The following TEX11 variants were observed in gnomAD, a reference collection of about 807,000 sequenced individuals.
TEX11 encodes testis expressed 11, also known as testis-expressed protein 11.
TEX11 carries 7 observed loss-of-function variants against 84.4 expected under a neutral mutation model. That is an observed-to-expected ratio of 0.08 (90% CI 0.05 to 0.16). The LOEUF (loss-of-function observed/expected upper bound fraction) is 0.16. Ranked by LOEUF, TEX11 falls within the 10% of genes least tolerant of loss-of-function variation. TEX11 has a pLI of 1.00. For synonymous variants in TEX11, 264 were observed against 222.8 expected, an observed-to-expected ratio of 1.18 and a Z score of -1.64; for missense variants, 551 against 660.5, an observed-to-expected ratio of 0.83 and a Z score of 1.82.
intron 2 of TEX11, among the ~76,000 whole-genome samples, chrX:70,903,395 G>A (rs1602226038): frequency 9.0e-6 from 1 of 110,815 alleles, no homozygotes; most frequent in African/African-American, 3.3e-5. Context: ...CATGAATAAA[G>A]CATTGCTCTA....
intron 5 of TEX11, among the ~76,000 whole-genome samples, chrX:70,860,466 G>C (rs1326533510): frequency 9.0e-6 from 1 of 111,633 alleles, no homozygotes; most frequent in Non-Finnish European, 1.9e-5. Flanking sequence ...CCTAGGTCTT[G>C]AGACTTCAAA....
At chrX:70,807,856 C>T (rs780612905) in intron 8 of TEX11, among the ~76,000 whole-genome samples, 12 of 110,278 alleles carry the variant, frequency 1.1e-4, no homozygotes, top group African/African-American at 4.0e-4. Flanking sequence ...GTAATCCGAG[C>T]GCTTTGAGAG....
At chrX:70,729,410 A>G (rs2090626402) in intron 11 of TEX11, among the ~76,000 whole-genome samples, 1 of 111,329 alleles carries the variant, frequency 9.0e-6, no homozygotes, top group Non-Finnish European at 1.9e-5. Flanking sequence ...AAAAACCTTG[A>G]AAAAAAATTA....
intron 15 of TEX11, among the ~76,000 whole-genome samples, chrX:70,671,003 A>G (rs1435681353): frequency 9.0e-6 from 1 of 111,588 alleles, no homozygotes. Flanking sequence ...ATATTAATCT[A>G]TGTTGCTATG....
rs186046937 is a variant in TEX11, at chrX:70,626,298, G to C, written c.1609-1374C>G. 2.7e-5 allele frequency among the ~76,000 whole-genome samples: 3 copies of C among 110,789 alleles called. No homozygotes were observed. In the East Asian group the frequency reaches 8.5e-4, roughly 31 times the overall value. ...GCTCTCAGTGTTGTACAAGTACCAA[G>C]CCTTTACTTGTACCACCCAGAGAAT... On this transcript the variant is annotated intron_variant, in intron 18 of 29. Coordinates refer to ENST00000374333, the MANE Select transcript of TEX11 (RefSeq NM_031276.3).
chrX:70,807,687 T>G (rs1357890974), intron 8 of TEX11, among the ~76,000 whole-genome samples: 2 of 111,730 alleles, frequency 1.8e-5, no homozygotes, highest in Non-Finnish European at 3.8e-5. Context: ...AAGTTATTCA[T>G]AAGTAATGTA....
downstream of TEX11, among the ~76,000 whole-genome samples, chrX:70,526,620 T>C (rs2087826118): frequency 9.1e-6 from 1 of 109,952 alleles, no homozygotes; most frequent in Non-Finnish European, 1.9e-5. Context: ...TATGAACTCA[T>C]GATTTTCTAT....
chrX:70,583,779 T>C (rs1054795660), intron 25 of TEX11, among the ~76,000 whole-genome samples: 2 of 111,620 alleles, frequency 1.8e-5, no homozygotes, highest in African/African-American at 6.5e-5. Context: ...TGCTTTACAC[T>C]GCTGGTGGGA....
At chrX:70,833,309 GAAAA>G (rs1217068977) in intron 8 of TEX11, among the ~76,000 whole-genome samples, 200 bp downstream of exon 8, 1 of 106,753 alleles carries the variant, frequency 9.4e-6, no homozygotes, top group African/African-American at 3.4e-5. Context: ...GAAAAGAAAA[GAAAA>G]AAAAGAAATA....
At chrX:70,573,218 C>A (rs1450483900) in intron 25 of TEX11, among the ~76,000 whole-genome samples, 3 of 111,053 alleles carry the variant, frequency 2.7e-5, no homozygotes, top group African/African-American at 9.8e-5. Context: ...TCAGTGACTC[C>A]ATAGCCCTGT....
In TEX11 at chrX:70,887,598, C is replaced by T. The variant is rs371827978; in HGVS notation, c.38-7489G>A. The stretch of plus-strand genomic sequence containing the variant: ...ATGTCTAAGGTTTCCATCTCCAGGT[C>T]CCGGCTCCCAGACAGCATCTCTGGA... On this transcript the variant is annotated intron_variant, in intron 2 of 29. Coordinates refer to ENST00000374333, the MANE Select transcript of TEX11 (RefSeq NM_031276.3). Among the ~76,000 whole-genome samples the T allele has an allele frequency of 6.2e-5, 7 of 112,288 alleles. No individual in the cohort carries two copies. The East Asian group carries it at 2.0e-3, about 32-fold the overall frequency.
At chrX:70,812,397 C>T (rs1006069874) in intron 8 of TEX11, among the ~76,000 whole-genome samples, 2 of 110,300 alleles carry the variant, frequency 1.8e-5, no homozygotes, top group South Asian at 3.9e-4. Context: ...TCAGTAGACA[C>T]GGGGTTTCAC....
At chrX:70,581,199 T>C (rs1298444592) in intron 25 of TEX11, among the ~76,000 whole-genome samples, 2 of 108,807 alleles carry the variant, frequency 1.8e-5, no homozygotes, top group Non-Finnish European at 3.8e-5. Flanking sequence ...AGAGACAGGG[T>C]CTTCCTATGT....
At chrX:70,562,586 G>T (rs1304794167) in intron 25 of TEX11, among the ~76,000 whole-genome samples, 1 of 111,930 alleles carries the variant, frequency 8.9e-6, no homozygotes, top group Admixed American at 9.5e-5. Context: ...CTTCCATGTG[G>T]CTATGTAGTT....
intron 28 of TEX11, among the ~76,000 whole-genome samples, chrX:70,536,413 T>A (rs1223557207): frequency 8.9e-6 from 1 of 111,790 alleles, no homozygotes; most frequent in African/African-American, 3.2e-5. Context: ...CATAATTAAT[T>A]AATAAGACCA....
At chrX:70,734,373 A>T (rs1437693122) in intron 11 of TEX11, among the ~76,000 whole-genome samples, 1 of 111,491 alleles carries the variant, frequency 9.0e-6, no homozygotes, top group Admixed American at 9.5e-5. Context: ...CTCTGGGAGT[A>T]TTGCCTAGCA....
At chrX:70,824,834 A>G (rs2091336509) in intron 8 of TEX11, among the ~76,000 whole-genome samples, 2 of 112,129 alleles carry the variant, frequency 1.8e-5, no homozygotes, top group Non-Finnish European at 3.8e-5. Context: ...GGACTGATCA[A>G]TGAGTGTTGC....
At chrX:70,782,615 T>C (rs906162156) in intron 9 of TEX11, among the ~76,000 whole-genome samples, 2 of 36,011 alleles carry the variant, frequency 5.6e-5, no homozygotes, top group African/African-American at 1.2e-4. Context: ...AATTTAAAAA[T>C]AGAGGAAGAT....
chrX:70,649,824 C>A (rs1385031408), intron 17 of TEX11, among the ~76,000 whole-genome samples: 2 of 111,441 alleles, frequency 1.8e-5, no homozygotes, highest in Non-Finnish European at 3.8e-5. Flanking sequence ...TGTTTTACAG[C>A]ACCTTTATTC....
Sources: gnomAD v4.1 joint callset for allele counts (sites outside exome capture counted in the v4.1 genomes callset) on GRCh38, gnomAD v4.1.1 for gene constraint, MANE v1.5 for transcripts, NCBI Gene and HGNC (gene_info 2026-07-23, HGNC 2026-07-21) for gene names.